SPTBN4: variants seen among roughly 807,000 people sequenced by gnomAD.
The protein encoded by SPTBN4 is spectrin beta chain, non-erythrocytic 4.
A neutral mutation model predicts 277.8 loss-of-function variants in SPTBN4; 96 were observed. The ratio of observed to expected loss-of-function variants is 0.35; its 90% CI spans 0.29 to 0.41. The LOEUF is 0.41. Among genes scored for constraint, SPTBN4 ranks in the 10% least tolerant of loss-of-function variants. The probability of loss-of-function intolerance (pLI) is 1.00; values close to 1 mark genes in which losing one functional copy is unlikely to be tolerated. For synonymous variants in SPTBN4, 1,481 were observed against 1,580.3 expected, an observed-to-expected ratio of 0.94 and a Z score of 1.49; for missense variants, 3,006 against 3,595.7, an observed-to-expected ratio of 0.84 and a Z score of 4.19.
chr19:40,563,440 A>G (rs1253589993), intron 27 of SPTBN4, among the ~76,000 whole-genome samples: 2 of 152,280 alleles, frequency 1.3e-5, no homozygotes, highest in East Asian at 3.9e-4. Context: ...ACGAGCCACA[A>G]ATGCGAGCCA....
Position 40,519,660 on chromosome 19 carries a change from C to T in SPTBN4, c.3163C>T (p.Gln1055Ter). ...CCTGCTGGCTGAGCGCTTCCCGGCGCAGGCGGCGCGGCTGCACCAGGGCGC... is the reference window on the plus strand; with the variant it reads ...CCTGCTGGCTGAGCGCTTCCCGGCGTAGGCGGCGCGGCTGCACCAGGGCGC... ...AALLAERFPA[Q>*]AARLHQGAEE... is the part of the protein sequence containing the mutation. The change falls in exon 16 of 36, where the codon CAG becomes TAG. Residue 1055 changes from glutamine (Q) to a stop codon, truncating the protein, a stop_gained. Coordinates refer to ENST00000598249, the MANE Select transcript of SPTBN4 (RefSeq NM_020971.3). LOFTEE classifies it high-confidence loss of function. This position sits in a 1 kb window ranked among gnomAD's most constrained non-coding sequence, Gnocchi z 5.7. 2.9e-6 allele frequency: 4 copies of T among 1,395,128 alleles called. No homozygotes were observed. Among genetic ancestry groups the T allele is most frequent in the Non-Finnish European group, 3.7e-6 (4 of 1,086,216 alleles). 86.4% of individuals were successfully genotyped at this position (1,395,128 alleles called of 1,614,324 possible).
chr19:40,502,199 C>G lies in SPTBN4; in HGVS notation c.969C>G (p.Ala323=). The change falls in exon 9 of 36, where the codon GCC becomes GCG. Residue 323 remains alanine (A), a synonymous_variant. Transcript: ENST00000598249. This position sits in a 1 kb window ranked among gnomAD's most constrained non-coding sequence, Gnocchi z 4.9. ...RYEELAAELL[A]WIHRTVGLIS... is the part of the protein sequence containing the mutation. ...AGGAGCTGGCGGCTGAGCTGCTGGC[C>G]TGGATCCACCGCACCGTGGGCCTCA... 6.2e-7 allele frequency: 1 copy of G among 1,614,084 alleles called. No individual in the cohort carries two copies. The highest frequency in any genetic ancestry group is 2.2e-5 in the East Asian group (1 of 44,884).
chr19:40,477,205 A>G (rs2079959095), intron 2 of SPTBN4, among the ~76,000 whole-genome samples: 1 of 151,822 alleles, frequency 6.6e-6, no homozygotes, highest in Non-Finnish European at 1.5e-5. Flanking sequence ...ATGCCCAGCT[A>G]ATTTTCTTAT....
At position 40,473,782 on chromosome 19, in the gene SPTBN4, C is replaced by G. The variant is rs1254511245; in HGVS notation, c.169+992C>G. Among the ~76,000 whole-genome samples the G allele has an allele frequency of 5.9e-5, 9 of 152,052 alleles. 1 individual carries two copies. The South Asian group carries it at 1.9e-3, about 32-fold the overall frequency. On this transcript the variant is annotated intron_variant, in intron 2 of 35. Coordinates refer to ENST00000598249, the MANE Select transcript of SPTBN4 (RefSeq NM_020971.3). ...CTCTGTAAGCATATTCCCTTAGAAT[C>G]CCGAAATGCAGAGCCATCAGATCCT...
chr19:40,519,449 C>T lies in SPTBN4; in HGVS notation c.2952C>T (p.Ser984=), dbSNP rs773597147. 5 of 1,602,658 alleles carry T rather than the reference C, an allele frequency of 3.1e-6. No homozygotes were observed. The change falls in exon 16 of 36, where the codon AGC becomes AGT. Residue 984 remains serine, a synonymous_variant. Transcript: ENST00000598249. This position sits in a 1 kb window ranked among gnomAD's most constrained non-coding sequence, Gnocchi z 5.7. ...TGGAACAGCGCAAAGAGGAAATGAG[C>T]GCGGTGCTGCTGGTGGAGAACCACG... ...ELVEQRKEEM[S]AVLLVENHVL... is the part of the protein sequence containing the mutation.
intron 22 of SPTBN4, among the ~76,000 whole-genome samples, chr19:40,552,324 G>A (rs1160499711): frequency 6.7e-6 from 1 of 149,236 alleles, no homozygotes; most frequent in East Asian, 2.0e-4. Flanking sequence ...GCGAGGTGTC[G>A]GGCGCCTGTA....
Position 40,519,346 on chromosome 19 carries a change from CCGCG to C in SPTBN4, c.2904-53_2904-50del. 1 of 1,417,640 alleles carries C rather than the reference CCGCG, an allele frequency of 7.1e-7. No individual in the cohort carries two copies. The allele number at this position is 1,417,640 out of a possible 1,614,324, so 87.8% of individuals were successfully genotyped here. A position where few individuals can be genotyped will look rare whatever the true frequency, so the allele number is the denominator to read the frequency against. On this transcript the variant is annotated intron_variant, in intron 15 of 35. Coordinates refer to ENST00000598249, the MANE Select transcript of SPTBN4 (RefSeq NM_020971.3). This position sits in a 1 kb window ranked among gnomAD's most constrained non-coding sequence, Gnocchi z 5.7. ...ATTCTACCCTGGGTCGGCGGGCCCT[CCGCG>C]CCCAAGAGGAGTCCCTGTCCTCCTC...
chr19:40,514,156 C>T (rs1258063757), intron 14 of SPTBN4, among the ~76,000 whole-genome samples: 2 of 152,236 alleles, frequency 1.3e-5, no homozygotes, highest in Admixed American at 1.3e-4. Context: ...CTGCACCACT[C>T]TGTCTGAGCA....
chr19:40,549,306 G>A lies in SPTBN4; in HGVS notation c.4477G>A (p.Val1493Met), dbSNP rs1158013155. The change falls in exon 21 of 36, where the codon GTG (valine) becomes ATG (methionine). Residue 1493 changes from valine (V) to methionine (M), a missense_variant. Physicochemically the swap from Val to Met is conservative, Grantham distance 21. Transcript: ENST00000598249. The stretch of plus-strand genomic sequence containing the variant: ...GCTGGTGGGTGAGCGGCAGAACGCG[G>A]TGGGCGAGCGCCTGGTGCGCCTGCT... ...KELVGERQNAVGERLVRLLEP... is the reference protein window; with the variant it reads ...KELVGERQNAMGERLVRLLEP... The A allele has an allele frequency of 1.3e-6, 2 of 1,541,156 alleles. No individual in the cohort carries two copies. The highest frequency in any genetic ancestry group is 8.7e-7 in the Non-Finnish European group (1 of 1,145,930).
In SPTBN4 at chr19:40,568,237, A is replaced by T; in HGVS notation, c.6911A>T (p.Glu2304Val). 6.2e-7 allele frequency: 1 copy of T among 1,600,330 alleles called. No individual in the cohort carries two copies. The highest frequency in any genetic ancestry group is 8.5e-7 in the Non-Finnish European group (1 of 1,174,278). The change falls in exon 31 of 36, where the codon GAG becomes GTG. Residue 2304 changes from glutamate to valine, a missense_variant. Glu to Val is a moderately radical substitution (Grantham distance 121, BLOSUM62 -2). Coordinates refer to ENST00000598249, the MANE Select transcript of SPTBN4 (RefSeq NM_020971.3). ...ERRERRLERQ[E>V]SSEQEMPIRG... ...CGTGAGCGGCGCTTGGAGCGGCAGG[A>T]GTCCAGCGAACAGGAGATGCCCATC...
chr19:40,567,940 C>T lies in SPTBN4; in HGVS notation c.6614C>T (p.Ala2205Val). 6.6e-7 allele frequency: 1 copy of T among 1,510,876 alleles called. No individual in the cohort carries two copies. Among genetic ancestry groups the T allele is most frequent in the South Asian group, 1.2e-5 (1 of 80,142 alleles). 93.6% of individuals were successfully genotyped at this position (1,510,876 alleles called of 1,614,324 possible). A position where few individuals can be genotyped will look rare whatever the true frequency, so the allele number is the denominator to read the frequency against. The change falls in exon 31 of 36, where the codon GCG (alanine) becomes GTG (valine). Residue 2205 changes from alanine (A) to valine (V), a missense_variant. This residue lies in a region of SPTBN4 where 630 missense variants were observed against 677.6 expected (regional missense o/e 0.93). Transcript: ENST00000598249. ...GAGATCCCGGGGAGGGTGGAGCCCG[C>T]GGCCCTGCCGGCCGCACCAGAGGAC... ...LPEIPGRVEP[A>V]ALPAAPEDAA...
intron 17 of SPTBN4, among the ~76,000 whole-genome samples, chr19:40,524,357 A>C (rs1351167356): frequency 6.6e-6 from 1 of 151,762 alleles, no homozygotes; most frequent in Non-Finnish European, 1.5e-5. Flanking sequence ...AAAAAAAAAA[A>C]AAAGCTGGGC....
chr19:40,556,595 T>G (rs1204564292), intron 25 of SPTBN4, among the ~76,000 whole-genome samples: 2 of 151,814 alleles, frequency 1.3e-5, no homozygotes, highest in Admixed American at 1.3e-4. Flanking sequence ...ATGATGATGA[T>G]GATGATGATG....
chr19:40,469,722 C>T lies in SPTBN4; in HGVS notation c.-16+2417C>T, dbSNP rs545043464. ...GCAGTGGTGCGATCTCGGCTCACTG[C>T]GACCTCCGCCTCCTGGGTTCAAGCA... On this transcript the variant is annotated intron_variant, in intron 1 of 35. Coordinates refer to ENST00000598249, the MANE Select transcript of SPTBN4 (RefSeq NM_020971.3). 6.6e-4 allele frequency among the ~76,000 whole-genome samples: 100 copies of T among 151,968 alleles called. 1 individual carries two copies. Among genetic ancestry groups the T allele is most frequent in the African/African-American group, 2.3e-3 (97 of 41,424 alleles).
rs374247221 is a variant in SPTBN4, at chr19:40,560,314, C to T, written c.5826C>T (p.Ala1942=). 16 of 1,614,004 alleles carry T rather than the reference C, an allele frequency of 9.9e-6. No homozygotes were observed. The highest frequency in any genetic ancestry group is 4.5e-5 in the East Asian group (2 of 44,890). ...CCCGCCTGCATGTCAGCTCCACAGC[C>T]GACGCCCTGCGCTTCCACAGCCAAG... The part of the protein sequence containing the change: ...EDARLHVSST[A]DALRFHSQVR... The change falls in exon 27 of 36, where the codon GCC becomes GCT. Residue 1942 remains alanine, a synonymous_variant. Transcript: ENST00000598249. This position sits in a 1 kb window ranked among gnomAD's most constrained non-coding sequence, Gnocchi z 5.2.
intron 17 of SPTBN4, among the ~76,000 whole-genome samples, chr19:40,527,137 CTT>C (rs2080602140): frequency 6.6e-6 from 1 of 152,174 alleles, no homozygotes; most frequent in Non-Finnish European, 1.5e-5. Flanking sequence ...CACTCTGTCT[CTT>C]TGCTTCCATC....
chr19:40,512,854 C>T lies in SPTBN4; in HGVS notation c.2065C>T (p.His689Tyr). The stretch of plus-strand genomic sequence containing the variant: ...CGCAGCGGGAACAGCGGGCGGCGCG[C>T]ATGACCTGTCCAGCACAGCGCGCCT... ...AGAAGTAGGA[H>Y]DLSSTARLLA... The change falls in exon 14 of 36, where the codon CAT (histidine) becomes TAT (tyrosine). Residue 689 changes from histidine to tyrosine, a missense_variant. By Grantham distance (83) the His-to-Tyr change is moderately conservative (BLOSUM62 2). Coordinates refer to ENST00000598249, the MANE Select transcript of SPTBN4 (RefSeq NM_020971.3). The T allele has an allele frequency of 1.4e-6, 2 of 1,459,454 alleles. No individual in the cohort carries two copies. Among genetic ancestry groups the T allele is most frequent in the Non-Finnish European group, 1.8e-6 (2 of 1,118,654 alleles). 90.4% of individuals were successfully genotyped at this position (1,459,454 alleles called of 1,614,324 possible). A position where few individuals can be genotyped will look rare whatever the true frequency, so the allele number is the denominator to read the frequency against.
chr19:40,526,817 G>T (rs1415880863), intron 17 of SPTBN4, among the ~76,000 whole-genome samples: 1 of 151,696 alleles, frequency 6.6e-6, no homozygotes. Context: ...CAAACTCCTG[G>T]GCTCAAGCAA....
At chr19:40,467,424 C>G (rs2079837392) in intron 1 of SPTBN4, 119 bp downstream of exon 1, 2 of 152,608 alleles carry the variant, frequency 1.3e-5, no homozygotes, top group South Asian at 4.1e-4. Context: ...TGGAGGGAGG[C>G]AAAGGGTCGA....
Sources: gnomAD v4.1 joint callset for allele counts (sites outside exome capture counted in the v4.1 genomes callset) on GRCh38, gnomAD v4.1.1 for gene constraint, gnomAD v4.1.1 regional missense constraint, Gnocchi (gnomAD v3.1) non-coding constraint, MANE v1.5 for transcripts, NCBI Gene and HGNC (gene_info 2026-07-23, HGNC 2026-07-21) for gene names.